The following TBC1D14 variants were observed in gnomAD, a reference collection of about 807,000 sequenced individuals.
TBC1D14 encodes the protein TBC1 domain family, member 14.
TBC1D14 carries 26 observed loss-of-function variants against 79.0 expected under a neutral mutation model. That is an observed-to-expected ratio of 0.33 (90% confidence interval 0.24 to 0.46). The LOEUF (loss-of-function observed/expected upper bound fraction) is 0.46, where lower values mean the gene tolerates loss of function less well. Ranked by LOEUF, TBC1D14 falls within the 20% of genes least tolerant of loss-of-function variation. The probability of loss-of-function intolerance (pLI) is 1.00; values close to 1 mark genes in which losing one functional copy is unlikely to be tolerated. For missense variants in TBC1D14, 769 were observed against 887.6 expected (o/e 0.87, Z 1.70); for synonymous variants, 394 against 349.9 (o/e 1.13, Z -1.40).
At chr4:6,910,895 G>A (rs1366000430) in intron 1 of TBC1D14, among the ~76,000 whole-genome samples, 1 of 152,182 alleles carries the variant, frequency 6.6e-6, no homozygotes, top group Non-Finnish European at 1.5e-5. Context: ...CATCACCTTG[G>A]TTATTTCACG....
At chr4:7,029,660 A>G (rs1722843231) in intron 13 of TBC1D14, among the ~76,000 whole-genome samples, 1 of 152,204 alleles carries the variant, frequency 6.6e-6, no homozygotes, top group Non-Finnish European at 1.5e-5. Context: ...CCCTGTCTGT[A>G]CTAAAAATAC....
intron 1 of TBC1D14, among the ~76,000 whole-genome samples, chr4:6,915,239 C>G (rs184561937): frequency 4.9e-4 from 75 of 152,286 alleles, no homozygotes; most frequent in African/African-American, 1.8e-3. Context: ...TGAGGAGGCT[C>G]TTAGTCTCCC....
intron 3 of TBC1D14, among the ~76,000 whole-genome samples, chr4:6,987,985 A>T (rs1453094217): frequency 6.6e-6 from 1 of 152,226 alleles, no homozygotes; most frequent in Admixed American, 6.5e-5. Context: ...GCAGCTTGTT[A>T]AAGAACCCAG....
intron 1 of TBC1D14, among the ~76,000 whole-genome samples, chr4:6,919,756 G>A (rs1219968504): frequency 6.6e-6 from 1 of 152,144 alleles, no homozygotes; most frequent in Non-Finnish European, 1.5e-5. Context: ...GAGTAGCTAG[G>A]ATTACAGGCG....
intron 1 of TBC1D14, among the ~76,000 whole-genome samples, chr4:6,910,811 C>T (rs1299153698): frequency 6.6e-6 from 1 of 152,202 alleles, no homozygotes; most frequent in Non-Finnish European, 1.5e-5. Context: ...TTTTCTCTAG[C>T]GTGGAATTGG....
chr4:6,979,274 T>C (rs1035192187), intron 3 of TBC1D14, among the ~76,000 whole-genome samples: 1 of 152,180 alleles, frequency 6.6e-6, no homozygotes, highest in Non-Finnish European at 1.5e-5. Context: ...TAAATGTAAA[T>C]GATCTGAACA....
chr4:6,939,395 C>T (rs904170682), intron 2 of TBC1D14, among the ~76,000 whole-genome samples: 8 of 151,390 alleles, frequency 5.3e-5, no homozygotes, highest in South Asian at 2.1e-4. Context: ...ACCTCTCATG[C>T]GCAATGCCAC....
intron 4 of TBC1D14, among the ~76,000 whole-genome samples, chr4:6,995,958 TC>T (rs1174745545): frequency 1.3e-5 from 2 of 152,118 alleles, no homozygotes; most frequent in Non-Finnish European, 2.9e-5. Flanking sequence ...TGCCTCAGCC[TC>T]CTGATTAGCT....
chr4:6,947,446 C>A (rs1406152659), intron 2 of TBC1D14, among the ~76,000 whole-genome samples: 1 of 150,204 alleles, frequency 6.7e-6, no homozygotes, highest in Non-Finnish European at 1.5e-5. Context: ...TGCAGTGAGC[C>A]GAGATCGTGC....
In TBC1D14 at chr4:6,923,537, C is replaced by G. The variant is rs756989661; in HGVS notation, c.148C>G (p.Leu50Val). ...CTCCGCGCCTGAGTACGGGCCCAAG[C>G]TGAAACTCAGGGCTTTAGAAGACCG... is the stretch of plus-strand genomic sequence containing the variant. ...LLSAPEYGPK[L>V]KLRALEDRHS... The change falls in exon 2 of 14, where the codon CTG becomes GTG. Residue 50 changes from leucine (L) to valine (V), a missense_variant. Leu to Val is a conservative substitution (Grantham distance 32). Transcript: ENST00000409757. 4.1e-5 allele frequency: 66 copies of G among 1,614,082 alleles called. No homozygotes were observed. Among genetic ancestry groups the G allele is most frequent in the Non-Finnish European group, 4.2e-6 (5 of 1,180,050 alleles).
intron 3 of TBC1D14, among the ~76,000 whole-genome samples, chr4:6,974,578 G>A (rs1481931000): frequency 6.6e-6 from 1 of 152,206 alleles, no homozygotes; most frequent in Non-Finnish European, 1.5e-5. Flanking sequence ...CCACTGGATG[G>A]TGCACAGGCA....
chr4:7,021,631 C>T (rs1258034625), intron 12 of TBC1D14, among the ~76,000 whole-genome samples: 1 of 150,462 alleles, frequency 6.6e-6, no homozygotes, highest in East Asian at 2.0e-4. Context: ...TGTTATTTTG[C>T]ATTAGTTGAA....
At chr4:6,942,673 G>A (rs955019875) in intron 2 of TBC1D14, among the ~76,000 whole-genome samples, 1 of 152,186 alleles carries the variant, frequency 6.6e-6, no homozygotes, top group African/African-American at 2.4e-5. Context: ...TGTGGTGGGA[G>A]GAGTGAGGCG....
At chr4:6,927,369 C>T (rs947028557) in intron 2 of TBC1D14, among the ~76,000 whole-genome samples, 20 of 152,086 alleles carry the variant, frequency 1.3e-4, no homozygotes, top group Non-Finnish European at 2.6e-4. Flanking sequence ...GTGAGTCCTC[C>T]TATTTAATCG....
chr4:6,962,707 C>T (rs1715333655), intron 2 of TBC1D14, among the ~76,000 whole-genome samples: 2 of 152,064 alleles, frequency 1.3e-5, no homozygotes, highest in African/African-American at 4.8e-5. Context: ...CCACTCCTTG[C>T]CTGCTCTCTC....
intron 2 of TBC1D14, among the ~76,000 whole-genome samples, chr4:6,926,028 C>G (rs1487703933): frequency 6.6e-6 from 1 of 152,204 alleles, no homozygotes; most frequent in East Asian, 1.9e-4. Context: ...TGTGCCATGT[C>G]CAGCTCTGTG....
intron 3 of TBC1D14, among the ~76,000 whole-genome samples, chr4:6,973,809 T>TTTAC (rs1716466442): frequency 6.6e-6 from 1 of 151,860 alleles, no homozygotes; most frequent in Non-Finnish European, 1.5e-5. Flanking sequence ...ATTTTTTAGT[T>TTTAC]TTATTTATTT....
intron 3 of TBC1D14, among the ~76,000 whole-genome samples, chr4:6,981,139 C>G (rs147882770): frequency 6.6e-6 from 1 of 151,844 alleles, no homozygotes; most frequent in Non-Finnish European, 1.5e-5. Flanking sequence ...ATTCTCATGC[C>G]TCAGCCACCC....
At chr4:6,990,740 A>G (rs1718406641) in intron 3 of TBC1D14, among the ~76,000 whole-genome samples, 3 of 152,188 alleles carry the variant, frequency 2.0e-5, no homozygotes, top group East Asian at 1.9e-4. Context: ...CTTGACCGCC[A>G]CAGTGGTCTG....
Sources: allele counts gnomAD v4.1 joint callset (sites outside exome capture counted in the v4.1 genomes callset), GRCh38; gene constraint gnomAD v4.1.1; transcripts MANE v1.5; gene names NCBI Gene and HGNC (gene_info 2026-07-23, HGNC 2026-07-21).